Variants in SLCO1B3 observed in about 807,000 individuals in gnomAD.
The protein encoded by SLCO1B3 is solute carrier organic anion transporter family member 1B3, also known as liver-specific organic anion transporter 2.
Under a neutral mutation model 71.8 loss-of-function variants are expected in SLCO1B3, and 72 were observed. That is an observed-to-expected ratio of 1.00 (90% CI 0.83 to 1.22). The LOEUF (loss-of-function observed/expected upper bound fraction) is 1.22. Ranked by LOEUF, SLCO1B3 falls within the 50% of genes most tolerant of loss-of-function variation. SLCO1B3 has a pLI of 0.00. For missense variants in SLCO1B3, 911 were observed against 819.7 expected (o/e 1.11, Z -1.36); for synonymous variants, 298 against 278.4 (o/e 1.07, Z -0.70).
intron 11 of SLCO1B3, among the ~76,000 whole-genome samples, chr12:20,880,228 C>A (rs995018544): frequency 1.3e-5 from 2 of 151,098 alleles, no homozygotes; most frequent in African/African-American, 2.4e-5. Context: ...TAAAGTAAAT[C>A]AGTATAAACA....
chr12:20,849,105 T>G (rs1330345908), intron 3 of SLCO1B3, among the ~76,000 whole-genome samples: 3 of 152,006 alleles, frequency 2.0e-5, no homozygotes, highest in African/African-American at 7.2e-5. Flanking sequence ...TGGTCAAATT[T>G]TTTTTTTGTG....
intron 3 of SLCO1B3, among the ~76,000 whole-genome samples, chr12:20,820,520 G>A (rs74757212): frequency 3.3e-5 from 5 of 152,166 alleles, no homozygotes; most frequent in African/African-American, 4.8e-5. Context: ...AGGTTCAGGC[G>A]TTTGGAAGTT....
At chr12:20,903,009 G>A (rs1331166014) in intron 15 of SLCO1B3, among the ~76,000 whole-genome samples, 1 of 151,258 alleles carries the variant, frequency 6.6e-6, no homozygotes, top group Non-Finnish European at 1.5e-5. Flanking sequence ...GGAGGTGGAG[G>A]TGGCAGTGAG....
At chr12:20,891,057 T>G (rs935270300) in intron 13 of SLCO1B3, among the ~76,000 whole-genome samples, 1 of 152,154 alleles carries the variant, frequency 6.6e-6, no homozygotes, top group Non-Finnish European at 1.5e-5. Context: ...TCTATAATAT[T>G]GTTAATTATT....
chr12:20,896,735 C>A (rs1257559393), intron 13 of SLCO1B3, among the ~76,000 whole-genome samples: 3 of 152,166 alleles, frequency 2.0e-5, no homozygotes, highest in African/African-American at 4.8e-5. Flanking sequence ...ATCTTTTTAG[C>A]AACGTCCCAC....
intron 13 of SLCO1B3, among the ~76,000 whole-genome samples, chr12:20,887,852 T>C (rs1865822970): frequency 6.6e-6 from 1 of 151,962 alleles, no homozygotes; most frequent in East Asian, 1.9e-4. Flanking sequence ...ATTTTTATAG[T>C]TTCAGGCCTT....
chr12:20,842,126 C>A (rs1214024664), intron 3 of SLCO1B3, among the ~76,000 whole-genome samples: 1 of 152,082 alleles, frequency 6.6e-6, no homozygotes, highest in Non-Finnish European at 1.5e-5. Flanking sequence ...GAACTCCTGA[C>A]CTCGTGATCC....
chr12:20,889,930 T>C (rs1165033465), intron 13 of SLCO1B3, among the ~76,000 whole-genome samples: 1 of 143,986 alleles, frequency 6.9e-6, no homozygotes, highest in Non-Finnish European at 1.5e-5. Flanking sequence ...TTTTTTTTTG[T>C]TTTTGGGGAC....
intron 14 of SLCO1B3, 69 bp downstream of exon 14, chr12:20,898,569 CAATT>C: frequency 1.4e-6 from 1 of 701,654 alleles, no homozygotes; most frequent in Non-Finnish European, 2.4e-6. Context: ...AGACTGAATG[CAATT>C]AATTTTCAAC....
intron 3 of SLCO1B3, among the ~76,000 whole-genome samples, chr12:20,837,663 T>G (rs1014593963): frequency 6.6e-6 from 1 of 152,166 alleles, no homozygotes; most frequent in Non-Finnish European, 1.5e-5. Context: ...ATTCTATTGT[T>G]GTCTGAGAAC....
chr12:20,847,563 C>T (rs1864943080), intron 3 of SLCO1B3, among the ~76,000 whole-genome samples: 1 of 150,898 alleles, frequency 6.6e-6, no homozygotes, highest in Non-Finnish European at 1.5e-5. Context: ...TATTTCTCAA[C>T]CCATTTAGTC....
intron 3 of SLCO1B3, among the ~76,000 whole-genome samples, chr12:20,833,497 C>T (rs181569264): frequency 2.0e-3 from 297 of 148,162 alleles, no homozygotes; most frequent in Admixed American, 8.8e-3. Context: ...CAGATATATA[C>T]ATATGTTTAC....
At chr12:20,906,174 A>T (rs574123833) in intron 15 of SLCO1B3, among the ~76,000 whole-genome samples, 8 of 152,338 alleles carry the variant, frequency 5.3e-5, no homozygotes, top group Admixed American at 1.3e-4. Context: ...CAATAAAAAG[A>T]AATGAGCTAT....
At chr12:20,839,940 C>T (rs934582207) in intron 3 of SLCO1B3, among the ~76,000 whole-genome samples, 5 of 152,268 alleles carry the variant, frequency 3.3e-5, no homozygotes, top group South Asian at 2.1e-4. Context: ...GCCAAGTATA[C>T]TAATATGCTT....
At position 20,879,604 on chromosome 12, in the gene SLCO1B3, T is replaced by G. The variant is rs781670225; in HGVS notation, c.1304T>G (p.Val435Gly). ...CCTCTAATCTGCGAAAGCAAATCAG[T>G]TGCCGGCCTAACCTTGACCTATGAT... ...YFPLICESKS[V>G]AGLTLTYDGN... is the part of the protein sequence containing the mutation. Residue 435 changes from valine to glycine, a missense_variant, in exon 11 of 16, where the codon GTT (valine) becomes GGT (glycine). Transcript: ENST00000381545. 2.5e-6 allele frequency: 4 copies of G among 1,611,618 alleles called. No homozygotes were observed. In the East Asian group the frequency reaches 8.9e-5, roughly 36 times the overall value.
At chr12:20,847,225 A>G (rs1864937583) in intron 3 of SLCO1B3, among the ~76,000 whole-genome samples, 1 of 152,054 alleles carries the variant, frequency 6.6e-6, no homozygotes. Flanking sequence ...GAATTAAAAA[A>G]AAAATAGCTA....
At chr12:20,832,798 C>G (rs940435998) in intron 3 of SLCO1B3, among the ~76,000 whole-genome samples, 1 of 152,192 alleles carries the variant, frequency 6.6e-6, no homozygotes, top group African/African-American at 2.4e-5. Flanking sequence ...CTCCTGAACA[C>G]CCCATATAAA....
At chr12:20,821,107 G>T (rs1005585849) in intron 3 of SLCO1B3, among the ~76,000 whole-genome samples, 4 of 152,084 alleles carry the variant, frequency 2.6e-5, no homozygotes, top group African/African-American at 9.7e-5. Context: ...ACTCAGCGAC[G>T]CTTGGGGTTG....
intron 6 of SLCO1B3, 71 bp downstream of exon 6, chr12:20,861,209 TA>T: frequency 7.5e-7 from 1 of 1,334,500 alleles, no homozygotes; most frequent in Non-Finnish European, 1.0e-6. Flanking sequence ...AAGTTTCTGA[TA>T]TTCTTTAACA....
Sources: allele counts gnomAD v4.1 joint callset (sites outside exome capture counted in the v4.1 genomes callset), GRCh38; gene constraint gnomAD v4.1.1; transcripts MANE v1.5; gene names NCBI Gene and HGNC (gene_info 2026-07-23, HGNC 2026-07-21).